Variants in XIRP2 observed in about 807,000 individuals in gnomAD.
The protein encoded by XIRP2 is xin actin-binding repeat-containing protein 2.
Under a neutral mutation model 277.0 loss-of-function variants are expected in XIRP2, and 236 were observed. The ratio of observed to expected loss-of-function variants is 0.85; its 90% CI spans 0.77 to 0.95. The LOEUF (loss-of-function observed/expected upper bound fraction) is 0.95, where lower values mean the gene tolerates loss of function less well. Ranked by LOEUF, XIRP2 falls within the 40% of genes least tolerant of loss-of-function variation. The probability of loss-of-function intolerance (pLI) is 0.00; values close to 1 mark genes in which losing one functional copy is unlikely to be tolerated. For synonymous variants in XIRP2, 1,490 were observed against 1,416.5 expected, an observed-to-expected ratio of 1.05 and a Z score of -1.17; for missense variants, 4,640 against 4,157.5, an observed-to-expected ratio of 1.12 and a Z score of -3.19.
chr2:167,114,912 T>C (rs566376822), intron 2 of XIRP2, among the ~76,000 whole-genome samples: 13 of 152,238 alleles, frequency 8.5e-5, no homozygotes, highest in African/African-American at 2.4e-4. Context: ...CATACGTGTG[T>C]GTGTGTCTTT....
chr2:167,116,094 A>G (rs1177539729), intron 2 of XIRP2, among the ~76,000 whole-genome samples: 2 of 152,170 alleles, frequency 1.3e-5, no homozygotes, highest in Non-Finnish European at 2.9e-5. Context: ...ACACTTGAAA[A>G]GAATGTTTAT....
chr2:167,165,388 T>C (rs1226574034), intron 3 of XIRP2, among the ~76,000 whole-genome samples: 1 of 152,238 alleles, frequency 6.6e-6, no homozygotes, highest in Non-Finnish European at 1.5e-5. Context: ...AATCATATGA[T>C]AAAAGTGTGT....
rs572546970 is a variant in XIRP2, at chr2:167,145,360, A to C, written c.562+9298A>C. Among the ~76,000 whole-genome samples, 44 of 152,288 alleles carry C rather than the reference A, an allele frequency of 2.9e-4. 1 individual carries two copies. Among genetic ancestry groups the C allele is most frequent in the Middle Eastern group, 3.4e-3 (1 of 294 alleles). On this transcript the variant is annotated intron_variant, in intron 3 of 10. Transcript: ENST00000409195. The stretch of plus-strand genomic sequence containing the variant: ...AATTGTTGATTTCATGAAAGAGTGC[A>C]ATTAGCAGAATTGAAAGAAAAGAGG...
chr2:167,200,867 T>G (rs1693664949), intron 3 of XIRP2, among the ~76,000 whole-genome samples: 1 of 152,044 alleles, frequency 6.6e-6, no homozygotes, highest in Non-Finnish European at 1.5e-5. Flanking sequence ...GGCTCACGCC[T>G]GCAACCCCAG....
chr2:167,090,595 A>G (rs948360319), intron 2 of XIRP2, among the ~76,000 whole-genome samples: 2 of 152,108 alleles, frequency 1.3e-5, no homozygotes, highest in Admixed American at 6.6e-5. Context: ...TTTATGTTTA[A>G]AAGAGATTTA....
chr2:167,026,283 C>A (rs1304852674), intron 2 of XIRP2, among the ~76,000 whole-genome samples: 1 of 151,946 alleles, frequency 6.6e-6, no homozygotes, highest in Non-Finnish European at 1.5e-5. Context: ...GCAACCCCTG[C>A]CTTTTTTTGT....
In XIRP2 at chr2:167,248,697, T is replaced by C. The variant is rs1695366057; in HGVS notation, c.7305T>C (p.Asp2435=). ...PKPKLPKHIK[D]NKNDFSPKVE... ...CCAAACTTCCCAAGCATATAAAAGA[T>C]AATAAGAACGATTTTTCCCCCAAAG... The change falls in exon 9 of 11, where the codon GAT becomes GAC. Residue 2435 remains aspartate, a synonymous_variant. Transcript: ENST00000409195. The C allele has an allele frequency of 6.2e-7, 1 of 1,613,718 alleles. No individual in the cohort carries two copies. The highest frequency in any genetic ancestry group is 1.3e-5 in the African/African-American group (1 of 74,950).
chr2:167,245,865 G>T lies in XIRP2; in HGVS notation c.4473G>T (p.Val1491=). 6.2e-7 allele frequency: 1 copy of T among 1,613,736 alleles called. No individual in the cohort carries two copies. Among genetic ancestry groups the T allele is most frequent in the Non-Finnish European group, 8.5e-7 (1 of 1,179,776 alleles). ...DVQKGDVKQA[V]WLFENRTFDS... ...AGAAAGGTGATGTTAAGCAGGCTGT[G>T]TGGCTTTTTGAAAATCGAACTTTCG... is the stretch of plus-strand genomic sequence containing the variant. Residue 1491 remains valine (V), a synonymous_variant, in exon 9 of 11, where the codon GTG becomes GTT. Coordinates refer to ENST00000409195, the MANE Select transcript of XIRP2 (RefSeq NM_152381.6).
intron 2 of XIRP2, among the ~76,000 whole-genome samples, chr2:167,027,865 T>C (rs988241488): frequency 3.3e-5 from 5 of 152,056 alleles, no homozygotes; most frequent in African/African-American, 1.2e-4. Context: ...ACTCAAATAA[T>C]TGCAAGTTAA....
At chr2:167,122,865 C>T (rs1691094655) in intron 2 of XIRP2, among the ~76,000 whole-genome samples, 1 of 152,042 alleles carries the variant, frequency 6.6e-6, no homozygotes. Flanking sequence ...TTTTCCATTC[C>T]TAGTTTGCAT....
chr2:167,086,803 T>G (rs998088183), intron 2 of XIRP2, among the ~76,000 whole-genome samples: 2 of 149,302 alleles, frequency 1.3e-5, no homozygotes, highest in Non-Finnish European at 3.0e-5. Context: ...TCAGCTCCTT[T>G]AAGCACTTCT....
intron 2 of XIRP2, among the ~76,000 whole-genome samples, chr2:167,078,575 G>T (rs1269093213): frequency 6.6e-6 from 1 of 152,028 alleles, no homozygotes; most frequent in African/African-American, 2.4e-5. Flanking sequence ...GGTGGCTCAC[G>T]CCTGTAATCC....
At chr2:167,163,270 T>A (rs1692422889) in intron 3 of XIRP2, among the ~76,000 whole-genome samples, 1 of 152,206 alleles carries the variant, frequency 6.6e-6, no homozygotes, top group African/African-American at 2.4e-5. Flanking sequence ...TTTGACCATT[T>A]TACACTCTAA....
chr2:166,939,073 A>G (rs1021186057), intron 2 of XIRP2, among the ~76,000 whole-genome samples: 2 of 152,110 alleles, frequency 1.3e-5, no homozygotes, highest in Non-Finnish European at 2.9e-5. Flanking sequence ...TTTCAATTGG[A>G]GCATTTAGCC....
intron 2 of XIRP2, among the ~76,000 whole-genome samples, chr2:166,937,569 G>A (rs1685556180): frequency 6.6e-6 from 1 of 152,026 alleles, no homozygotes; most frequent in South Asian, 2.1e-4. Flanking sequence ...TTTTTGTTGT[G>A]TCTCTGTCAG....
At chr2:167,188,632 C>A (rs922278370) in intron 3 of XIRP2, among the ~76,000 whole-genome samples, 1 of 152,162 alleles carries the variant, frequency 6.6e-6, no homozygotes, top group Admixed American at 6.5e-5. Context: ...AATGAGAAAA[C>A]TGAATTCTAT....
At chr2:167,097,374 TTTTTTTG>T in intron 2 of XIRP2, among the ~76,000 whole-genome samples, 1 of 81,450 alleles carries the variant, frequency 1.2e-5, no homozygotes, top group East Asian at 4.8e-4. Flanking sequence ...AACCCCTGCT[TTTTTTTG>T]TTTTGTTTTG....
intron 2 of XIRP2, among the ~76,000 whole-genome samples, chr2:167,068,072 C>T: frequency 6.6e-6 from 1 of 152,142 alleles, no homozygotes; most frequent in Non-Finnish European, 1.5e-5. Flanking sequence ...CTCTGTATGT[C>T]TTAAACAATT....
intron 3 of XIRP2, among the ~76,000 whole-genome samples, chr2:167,140,055 T>C (rs367815208): frequency 9.1e-5 from 13 of 142,272 alleles, no homozygotes; most frequent in East Asian, 6.2e-4. Flanking sequence ...AAAGTTCATG[T>C]TGGCAAAATA....
Sources: allele counts gnomAD v4.1 joint callset (sites outside exome capture counted in the v4.1 genomes callset), GRCh38; gene constraint gnomAD v4.1.1; transcripts MANE v1.5; gene names NCBI Gene and HGNC (gene_info 2026-07-23, HGNC 2026-07-21).